TRAPPC13: variants seen among roughly 807,000 people sequenced by gnomAD.
TRAPPC13 encodes the protein REV7-interacting novel NHEJ regulator 1.
TRAPPC13 carries 39 observed loss-of-function variants against 54.0 expected under a neutral mutation model. That is an observed-to-expected ratio of 0.72 (90% confidence interval 0.56 to 0.94). The LOEUF is 0.94. TRAPPC13 is among the 40% of genes least tolerant of loss of function. The pLI is 0.00. For missense variants in TRAPPC13, 386 were observed against 488.1 expected, an observed-to-expected ratio of 0.79 and a Z score of 1.97; for synonymous variants, 148 against 167.7, an observed-to-expected ratio of 0.88 and a Z score of 0.91.
intron 9 of TRAPPC13, 105 bp from the exon 10 acceptor site, chr5:65,660,594 G>T: frequency 1.4e-6 from 1 of 740,468 alleles, no homozygotes; most frequent in Non-Finnish European, 2.0e-6. Context: ...TTGATCTTTG[G>T]AGGGTACATC....
chr5:65,664,805 GT>G lies in TRAPPC13; in HGVS notation c.*195del. Reference sequence around the variant, plus strand: ...TGTAATTTATATTTGAAATGAACATGTGTATATTTTCTACACCTATTATTTA... The same window carrying G: ...TGTAATTTATATTTGAAATGAACATGGTATATTTTCTACACCTATTATTTA... On this transcript the variant is annotated 3_prime_UTR_variant, in exon 13 of 13. Transcript: ENST00000399438. 1 of 582,172 alleles carries G rather than the reference GT, an allele frequency of 1.7e-6. No individual in the cohort carries two copies. The highest frequency in any genetic ancestry group is 2.2e-5 in the South Asian group (1 of 46,232). 36.1% of individuals were successfully genotyped at this position (582,172 alleles called of 1,614,324 possible).
At position 65,637,723 on chromosome 5, in the gene TRAPPC13, C is replaced by G. The variant is rs1755804737; in HGVS notation, c.243C>G (p.Ser81=). The G allele has an allele frequency of 6.4e-7, 1 of 1,571,050 alleles. No homozygotes were observed. Among genetic ancestry groups the G allele is most frequent in the African/African-American group, 1.4e-5 (1 of 72,696 alleles). The change falls in exon 4 of 13, where the codon TCC becomes TCG. Residue 81 remains serine, a synonymous_variant. Transcript: ENST00000399438. Reference sequence around the variant, plus strand: ...ATATATTTTTGGGAGAGACCTTTTCCAGTTATATCAGCGTTCATAATGATA... The same window carrying G: ...ATATATTTTTGGGAGAGACCTTTTCGAGTTATATCAGCGTTCATAATGATA... ...FGNIFLGETF[S]SYISVHNDSN...
chr5:65,635,770 G>A (rs748357016), intron 2 of TRAPPC13, among the ~76,000 whole-genome samples, 174 bp from the exon 3 acceptor site: 1 of 140,376 alleles, frequency 7.1e-6, no homozygotes, highest in Non-Finnish European at 1.6e-5. Context: ...TTCCCTGTGA[G>A]ATCAGAATTT....
intron 4 of TRAPPC13, among the ~76,000 whole-genome samples, 184 bp downstream of exon 4, chr5:65,637,964 C>T (rs1017495566): frequency 9.3e-5 from 14 of 150,962 alleles, no homozygotes; most frequent in African/African-American, 3.4e-4. Flanking sequence ...ACTAAAAATA[C>T]AAAAATTAGC....
At position 65,658,383 on chromosome 5, in the gene TRAPPC13, C is replaced by T; in HGVS notation, c.580C>T (p.Leu194=). Residue 194 remains leucine (L), a synonymous_variant, in exon 9 of 13, where the codon CTG becomes TTG. Transcript: ENST00000399438. ...ATATCCTCAGACTGATGAAGTATTTCTGGAAGCCCAGATTCAGAATATGAC... is the reference window on the plus strand; with the variant it reads ...ATATCCTCAGACTGATGAAGTATTTTTGGAAGCCCAGATTCAGAATATGAC... The part of the protein sequence containing the change: ...DLSSVTDEVF[L]EAQIQNMTTS... 1 of 1,599,226 alleles carries T rather than the reference C, an allele frequency of 6.3e-7. No homozygotes were observed. The highest frequency in any genetic ancestry group is 8.5e-7 in the Non-Finnish European group (1 of 1,171,806).
At chr5:65,656,879 C>T (rs1756671928) in intron 8 of TRAPPC13, among the ~76,000 whole-genome samples, 1 of 152,098 alleles carries the variant, frequency 6.6e-6, no homozygotes, top group African/African-American at 2.4e-5. Flanking sequence ...GCACTCCTGC[C>T]TGGGTGACAG....
intron 8 of TRAPPC13, among the ~76,000 whole-genome samples, chr5:65,657,085 T>TG (rs1561776067): frequency 6.6e-6 from 1 of 150,974 alleles, no homozygotes; most frequent in African/African-American, 2.4e-5. Context: ...TTGTGGGGGT[T>TG]GGGGGAAGCT....
chr5:65,638,378 A>G (rs1755843257), intron 4 of TRAPPC13, among the ~76,000 whole-genome samples: 1 of 152,218 alleles, frequency 6.6e-6, no homozygotes, highest in African/African-American at 2.4e-5. Flanking sequence ...AACATGGAAG[A>G]TGAAAGATCA....
At chr5:65,660,618 C>G (rs1330334060) in intron 9 of TRAPPC13, 81 bp from the exon 10 acceptor site, 2 of 1,179,356 alleles carry the variant, frequency 1.7e-6, no homozygotes, top group Non-Finnish European at 2.3e-6. Flanking sequence ...CAGTTCCTAT[C>G]CAAAGGAACA....
At chr5:65,663,482 TAATATTATAAAG>T (rs1756912658) in intron 11 of TRAPPC13, 1 of 152,130 alleles carries the variant, frequency 6.6e-6, no homozygotes, top group African/African-American at 2.4e-5. Context: ...ATATACAAGT[TAATATTATAAAG>T]TCAATATGTC....
chr5:65,625,085 G>A lies in TRAPPC13; in HGVS notation c.25G>A (p.Glu9Lys), dbSNP rs1755143266. Residue 9 changes from glutamate to lysine, a missense_variant, in exon 1 of 13, where the codon GAG becomes AAG. Glu to Lys is a moderately conservative substitution (Grantham distance 56). Transcript: ENST00000399438. MEVNPPKQ[E>K]HLLALKVMRL... ...AATGGAAGTGAATCCCCCTAAACAG[G>A]AGCACCTGCTGGCGCTAAAAGGTAA... The A allele has an allele frequency of 6.2e-7, 1 of 1,613,796 alleles. No homozygotes were observed. The highest frequency in any genetic ancestry group is 8.5e-7 in the Non-Finnish European group (1 of 1,179,738).
chr5:65,653,302 C>A (rs1756539020), intron 7 of TRAPPC13, among the ~76,000 whole-genome samples: 1 of 152,046 alleles, frequency 6.6e-6, no homozygotes, highest in African/African-American at 2.4e-5. Flanking sequence ...TCAAAGATAT[C>A]CAAATACAGT....
chr5:65,648,614 T>C (rs556893377), intron 5 of TRAPPC13, among the ~76,000 whole-genome samples: 8 of 152,300 alleles, frequency 5.3e-5, no homozygotes, highest in African/African-American at 1.9e-4. Flanking sequence ...TATACTATTC[T>C]TACTGTGAGC....
chr5:65,652,913 T>C (rs1348227386), intron 7 of TRAPPC13, among the ~76,000 whole-genome samples: 2 of 152,030 alleles, frequency 1.3e-5, no homozygotes, highest in Non-Finnish European at 2.9e-5. Flanking sequence ...CGCTGCAAAA[T>C]AGATTTAATA....
At chr5:65,634,546 GTA>G (rs886439391) in intron 1 of TRAPPC13, among the ~76,000 whole-genome samples, 1 of 151,744 alleles carries the variant, frequency 6.6e-6, no homozygotes, top group Non-Finnish European at 1.5e-5. Flanking sequence ...TTATATAAAC[GTA>G]TATGTTTTCT....
At chr5:65,651,714 T>C (rs1756450369) in intron 6 of TRAPPC13, among the ~76,000 whole-genome samples, 1 of 104,046 alleles carries the variant, frequency 9.6e-6, no homozygotes, top group Admixed American at 9.0e-5. Flanking sequence ...AATATGATAC[T>C]GTATATGGTT....
chr5:65,633,433 A>G (rs1312845604), intron 1 of TRAPPC13, among the ~76,000 whole-genome samples: 1 of 152,048 alleles, frequency 6.6e-6, no homozygotes, highest in African/African-American at 2.4e-5. Context: ...GGCGCCCGCC[A>G]CCATGCTAGG....
intron 4 of TRAPPC13, among the ~76,000 whole-genome samples, chr5:65,645,483 T>C (rs1756155388): frequency 6.6e-6 from 1 of 151,984 alleles, no homozygotes; most frequent in African/African-American, 2.4e-5. Flanking sequence ...GTGTCTAACA[T>C]AAAATTGTTG....
intron 2 of TRAPPC13, 80 bp from the exon 3 acceptor site, chr5:65,635,864 C>A: frequency 2.4e-6 from 2 of 820,592 alleles, no homozygotes; most frequent in Non-Finnish European, 1.8e-6. Flanking sequence ...TTTAAAATAT[C>A]TCTCCCAGCT....
Sources: allele counts gnomAD v4.1 joint callset (sites outside exome capture counted in the v4.1 genomes callset), GRCh38; gene constraint gnomAD v4.1.1; transcripts MANE v1.5; gene names NCBI Gene and HGNC (gene_info 2026-07-23, HGNC 2026-07-21).